PRKD1: variants seen among roughly 807,000 people sequenced by gnomAD.
The protein encoded by PRKD1 is serine/threonine-protein kinase D1.
A neutral mutation model predicts 95.9 loss-of-function variants in PRKD1; 63 were observed. That is an observed-to-expected ratio of 0.66 (90% CI 0.54 to 0.81). The LOEUF is 0.81. Among genes scored for constraint, PRKD1 ranks in the 30% least tolerant of loss-of-function variants. PRKD1 has a pLI of 0.00. For synonymous variants in PRKD1, 425 were observed against 423.1 expected (o/e 1.00, Z -0.05); for missense variants, 1,048 against 1,165.3 (o/e 0.90, Z 1.47).
chr14:29,803,964 G>A (rs944252403), intron 1 of PRKD1, among the ~76,000 whole-genome samples: 2 of 152,078 alleles, frequency 1.3e-5, no homozygotes, highest in Non-Finnish European at 2.9e-5. Flanking sequence ...GTATGCGGCC[G>A]GGTGCAGTGG....
chr14:29,691,210 A>G (rs1031376402), intron 2 of PRKD1, among the ~76,000 whole-genome samples: 1 of 152,166 alleles, frequency 6.6e-6, no homozygotes, highest in Admixed American at 6.5e-5. Flanking sequence ...CAGTTTTCCG[A>G]GTTCCTAAAA....
At position 29,843,175 on chromosome 14, in the gene PRKD1, T is replaced by C. The variant is rs537225874; in HGVS notation, c.264+84074A>G. Reference sequence around the variant, plus strand: ...TAATCCAATATGAATGGTGTCTTTATAATAAGAAGATGTTATGCCACAGAA... The same window carrying C: ...TAATCCAATATGAATGGTGTCTTTACAATAAGAAGATGTTATGCCACAGAA... On this transcript the variant is annotated intron_variant, in intron 1 of 17. Coordinates refer to ENST00000331968, the MANE Select transcript of PRKD1 (RefSeq NM_002742.3). Among the ~76,000 whole-genome samples the C allele has an allele frequency of 5.9e-5, 9 of 152,242 alleles. No individual in the cohort carries two copies. In the South Asian group the frequency reaches 1.9e-3, roughly 32 times the overall value.
Position 29,907,562 on chromosome 14 carries a change from A to G in PRKD1, c.264+19687T>C, listed in dbSNP as rs554821674. On this transcript the variant is annotated intron_variant, in intron 1 of 17. Transcript: ENST00000331968. ...CTCGTGTGATTGACCCAATCTTACT[A>G]AATTTACTGAATAAAGATAATCCTG... Among the ~76,000 whole-genome samples the G allele has an allele frequency of 2.0e-5, 3 of 152,324 alleles. No individual in the cohort carries two copies. In the South Asian group the frequency reaches 6.2e-4, roughly 32 times the overall value.
At chr14:29,915,196 C>T (rs1442375343) in intron 1 of PRKD1, among the ~76,000 whole-genome samples, 1 of 152,184 alleles carries the variant, frequency 6.6e-6, no homozygotes, top group Non-Finnish European at 1.5e-5. Flanking sequence ...TCTTCCACAA[C>T]ACTTGGTGGC....
chr14:29,747,783 G>T (rs1887296962), intron 1 of PRKD1, among the ~76,000 whole-genome samples: 1 of 151,948 alleles, frequency 6.6e-6, no homozygotes, highest in Non-Finnish European at 1.5e-5. Context: ...TCACTCCATT[G>T]TCCAGGCTGG....
chr14:29,800,632 T>C (rs890793605), intron 1 of PRKD1, among the ~76,000 whole-genome samples: 1 of 152,168 alleles, frequency 6.6e-6, no homozygotes, highest in African/African-American at 2.4e-5. Context: ...AGTAAAATTG[T>C]GAACACTACA....
chr14:29,654,414 T>A (rs1881714623), intron 4 of PRKD1, among the ~76,000 whole-genome samples: 1 of 152,180 alleles, frequency 6.6e-6, no homozygotes. Context: ...CCTCAAGTGA[T>A]CTGCCTGTCT....
intron 13 of PRKD1, among the ~76,000 whole-genome samples, chr14:29,620,889 C>T (rs964384781): frequency 1.6e-4 from 25 of 151,516 alleles, no homozygotes; most frequent in African/African-American, 4.4e-4. Flanking sequence ...ATGTTTATTG[C>T]GGCACTATTC....
intron 1 of PRKD1, among the ~76,000 whole-genome samples, chr14:29,746,846 T>C (rs890142713): frequency 2.0e-5 from 3 of 152,198 alleles, no homozygotes; most frequent in Non-Finnish European, 4.4e-5. Context: ...TTTATTGATT[T>C]GGAGAATATG....
Position 29,686,464 on chromosome 14 carries a change from G to C in PRKD1, c.404-20256C>G, listed in dbSNP as rs545336947. Among the ~76,000 whole-genome samples the C allele has an allele frequency of 6.6e-5, 10 of 152,268 alleles. No homozygotes were observed. The South Asian group carries it at 2.1e-3, about 32-fold the overall frequency. ...CATCTCCACACTCAGGGTGCTCCAG[G>C]TACCCAGTTCTGATGCCTGCATTAT... On this transcript the variant is annotated intron_variant, in intron 2 of 17. Coordinates refer to ENST00000331968, the MANE Select transcript of PRKD1 (RefSeq NM_002742.3).
Position 29,764,390 on chromosome 14 carries a change from C to T in PRKD1, c.265-38716G>A, listed in dbSNP as rs141991222. ...TCAATACTGAAGGAAAAATTGGAAA[C>T]GACAGAGGTTAGCTAGAATGGAAGA... On this transcript the variant is annotated intron_variant, in intron 1 of 17. Transcript: ENST00000331968. 3.7e-4 allele frequency among the ~76,000 whole-genome samples: 57 copies of T among 152,148 alleles called. No homozygotes were observed. The East Asian group carries it at 6.8e-3, about 18-fold the overall frequency.
intron 1 of PRKD1, among the ~76,000 whole-genome samples, chr14:29,745,977 G>C (rs17096033): frequency 6.6e-6 from 1 of 152,066 alleles, no homozygotes; most frequent in Non-Finnish European, 1.5e-5. Context: ...GGGACGGTCC[G>C]TTCCCCTTTG....
intron 13 of PRKD1, among the ~76,000 whole-genome samples, chr14:29,600,386 A>G (rs1374165254): frequency 6.6e-6 from 1 of 152,166 alleles, no homozygotes; most frequent in East Asian, 1.9e-4. Flanking sequence ...TTTGTCTACA[A>G]TACCATCCTA....
At chr14:29,784,921 A>G (rs1341905557) in intron 1 of PRKD1, among the ~76,000 whole-genome samples, 1 of 152,216 alleles carries the variant, frequency 6.6e-6, no homozygotes, top group Non-Finnish European at 1.5e-5. Flanking sequence ...TGTAGACTTT[A>G]GGGCAGCTTC....
chr14:29,738,688 T>C lies in PRKD1; in HGVS notation c.265-13014A>G, dbSNP rs1886841164. On this transcript the variant is annotated intron_variant, in intron 1 of 17. Transcript: ENST00000331968. ...ACACCTTGTAATGCTCCTTCTGTAGTTCTTTGTTTCACACTAGCACCTGCA... is the reference window on the plus strand; with the variant it reads ...ACACCTTGTAATGCTCCTTCTGTAGCTCTTTGTTTCACACTAGCACCTGCA... Among the ~76,000 whole-genome samples, 3 of 152,226 alleles carry C rather than the reference T, an allele frequency of 2.0e-5. No individual in the cohort carries two copies. The South Asian group carries it at 6.2e-4, about 32-fold the overall frequency.
chr14:29,741,384 G>T (rs1333479581), intron 1 of PRKD1, among the ~76,000 whole-genome samples: 2 of 151,944 alleles, frequency 1.3e-5, no homozygotes, highest in African/African-American at 4.8e-5. Flanking sequence ...CATATGTCAT[G>T]TGTATATACT....
intron 9 of PRKD1, 94 bp downstream of exon 9, chr14:29,632,775 C>T (rs1172855921): frequency 7.2e-5 from 84 of 1,160,338 alleles, no homozygotes; most frequent in Non-Finnish European, 9.5e-5. Context: ...AAAATAGCCA[C>T]GTTTGTTGGA....
chr14:29,762,958 G>T (rs1888067983), intron 1 of PRKD1, among the ~76,000 whole-genome samples: 1 of 151,760 alleles, frequency 6.6e-6, no homozygotes, highest in African/African-American at 2.4e-5. Context: ...TGCCCAGGCT[G>T]ATCTTGAACT....
At chr14:29,761,444 C>T (rs543014647) in intron 1 of PRKD1, among the ~76,000 whole-genome samples, 13 of 152,174 alleles carry the variant, frequency 8.5e-5, no homozygotes, top group Non-Finnish European at 1.9e-4. Flanking sequence ...TTACTAATAG[C>T]ACTCAAATAG....
Sources: gnomAD v4.1 joint callset for allele counts (sites outside exome capture counted in the v4.1 genomes callset) on GRCh38, gnomAD v4.1.1 for gene constraint, MANE v1.5 for transcripts, NCBI Gene and HGNC (gene_info 2026-07-23, HGNC 2026-07-21) for gene names.